The following ME1 variants were observed in gnomAD, a reference collection of about 807,000 sequenced individuals.
The protein encoded by ME1 is malic enzyme 1.
ME1 carries 74 observed loss-of-function variants against 66.4 expected under a neutral mutation model. The ratio of observed to expected loss-of-function variants is 1.11; its 90% CI spans 0.92 to 1.35. The LOEUF (loss-of-function observed/expected upper bound fraction) is 1.35, where lower values mean the gene tolerates loss of function less well. Among genes scored for constraint, ME1 ranks in the 40% most tolerant of loss-of-function variants. ME1 has a pLI of 0.00. For synonymous variants in ME1, 251 were observed against 235.6 expected, an observed-to-expected ratio of 1.07 and a Z score of -0.60; for missense variants, 750 against 694.1, an observed-to-expected ratio of 1.08 and a Z score of -0.90.
At chr6:83,381,355 A>T (rs1050208529) in intron 3 of ME1, among the ~76,000 whole-genome samples, 3 of 152,096 alleles carry the variant, frequency 2.0e-5, no homozygotes, top group African/African-American at 4.8e-5. Flanking sequence ...GACTTGGGCT[A>T]TAAATAAAAT....
intron 3 of ME1, among the ~76,000 whole-genome samples, chr6:83,383,137 T>C (rs1236181225): frequency 6.6e-6 from 1 of 151,664 alleles, no homozygotes; most frequent in Non-Finnish European, 1.5e-5. Context: ...TACACACATA[T>C]ACATACATAC....
intron 7 of ME1, among the ~76,000 whole-genome samples, chr6:83,249,517 G>A (rs1790685571): frequency 6.6e-6 from 1 of 152,074 alleles, no homozygotes; most frequent in Admixed American, 6.6e-5. Context: ...GAGCCACTGT[G>A]CCTGGCCTAA....
chr6:83,316,284 T>A (rs1768027938), intron 5 of ME1, among the ~76,000 whole-genome samples: 1 of 152,212 alleles, frequency 6.6e-6, no homozygotes, highest in Non-Finnish European at 1.5e-5. Context: ...CTGAGAATGT[T>A]GCCCTGTGTA....
intron 1 of ME1, among the ~76,000 whole-genome samples, chr6:83,416,972 G>A (rs1172543086): frequency 2.0e-5 from 3 of 151,218 alleles, no homozygotes; most frequent in Admixed American, 6.6e-5. Context: ...TGTTACATCT[G>A]TGGCATGTAT....
intron 3 of ME1, chr6:83,392,709 C>T (rs1025657051): frequency 3.2e-6 from 2 of 620,086 alleles, no homozygotes; most frequent in African/African-American, 3.6e-5. Context: ...TCATGGAGTT[C>T]ACCAGCATCT....
intron 3 of ME1, among the ~76,000 whole-genome samples, chr6:83,362,156 T>C (rs1426500962): frequency 6.6e-6 from 1 of 152,208 alleles, no homozygotes; most frequent in Non-Finnish European, 1.5e-5. Context: ...GCAGTGCAAC[T>C]GGTTGTGCAC....
At chr6:83,324,772 C>G (rs1279533001) in intron 5 of ME1, among the ~76,000 whole-genome samples, 1 of 140,216 alleles carries the variant, frequency 7.1e-6, no homozygotes, top group African/African-American at 2.6e-5. Context: ...CAGCCGTATT[C>G]TAACAGAGGT....
At chr6:83,249,581 T>A (rs1367087694) in intron 7 of ME1, among the ~76,000 whole-genome samples, 3 of 152,200 alleles carry the variant, frequency 2.0e-5, no homozygotes, top group Admixed American at 6.5e-5. Flanking sequence ...TACAAATAAT[T>A]ATTTTGTCCT....
intron 4 of ME1, among the ~76,000 whole-genome samples, chr6:83,349,472 A>C (rs1275086837): frequency 6.6e-6 from 1 of 152,224 alleles, no homozygotes; most frequent in Non-Finnish European, 1.5e-5. Flanking sequence ...TCACCCCACT[A>C]TACAAATTAT....
At chr6:83,370,423 T>C (rs536823672) in intron 3 of ME1, among the ~76,000 whole-genome samples, 1 of 152,246 alleles carries the variant, frequency 6.6e-6, no homozygotes, top group African/African-American at 2.4e-5. Flanking sequence ...ATGGGACAGA[T>C]GACAATTGTT....
intron 3 of ME1, among the ~76,000 whole-genome samples, chr6:83,385,901 A>G (rs2128549151): frequency 6.6e-6 from 1 of 152,036 alleles, no homozygotes; most frequent in South Asian, 2.1e-4. Flanking sequence ...AATTTAAGAA[A>G]TCATCATCTA....
At chr6:83,361,561 G>A (rs545128483) in intron 3 of ME1, among the ~76,000 whole-genome samples, 2 of 152,248 alleles carry the variant, frequency 1.3e-5, no homozygotes, top group South Asian at 4.1e-4. Context: ...GTGGCAGATA[G>A]GGATGCTGTT....
chr6:83,359,639 T>C (rs892984502), intron 3 of ME1, among the ~76,000 whole-genome samples: 3 of 152,106 alleles, frequency 2.0e-5, no homozygotes, highest in Non-Finnish European at 4.4e-5. Flanking sequence ...TGGTTTAATG[T>C]AGAGGAAGGG....
chr6:83,396,976 A>T (rs977929578), intron 3 of ME1, among the ~76,000 whole-genome samples: 5 of 149,572 alleles, frequency 3.3e-5, no homozygotes, highest in South Asian at 2.1e-4. Context: ...ACACCATATT[A>T]AAAAAAATCA....
intron 6 of ME1, among the ~76,000 whole-genome samples, chr6:83,310,798 G>GC (rs1291081730): frequency 6.6e-6 from 1 of 152,122 alleles, no homozygotes; most frequent in Non-Finnish European, 1.5e-5. Context: ...AAAGCCAGAG[G>GC]CCCTCCTTTG....
At chr6:83,291,602 G>A (rs1454888063) in intron 6 of ME1, among the ~76,000 whole-genome samples, 2 of 151,816 alleles carry the variant, frequency 1.3e-5, no homozygotes, top group East Asian at 3.9e-4. Flanking sequence ...TGTGTCTCGG[G>A]TTGCTCTTCT....
intron 6 of ME1, among the ~76,000 whole-genome samples, chr6:83,289,722 T>C (rs1767465722): frequency 2.0e-5 from 3 of 152,334 alleles, no homozygotes; most frequent in Admixed American, 2.0e-4. Context: ...AGCTCCTCTT[T>C]GTACCTCTGG....
intron 3 of ME1, among the ~76,000 whole-genome samples, chr6:83,377,654 G>A (rs959328076): frequency 6.6e-6 from 1 of 151,824 alleles, no homozygotes; most frequent in Non-Finnish European, 1.5e-5. Context: ...AAAGGGAGAG[G>A]TACTAGGTTG....
chr6:83,349,015 A>AAAAAAAAAAAAC lies in ME1; in HGVS notation c.439-2682_439-2681insGTTTTTTTTTTT, dbSNP rs746037012. Among the ~76,000 whole-genome samples, 46 of 124,066 alleles carry AAAAAAAAAAAAC rather than the reference A, an allele frequency of 3.7e-4. 8 individuals carry two copies. The highest frequency in any genetic ancestry group is 1.3e-3 in the African/African-American group (42 of 32,274). 81.4% of individuals were successfully genotyped at this position (124,066 alleles called of 152,430 possible). A position where few individuals can be genotyped will look rare whatever the true frequency, so the allele number is the denominator to read the frequency against. On this transcript the variant is annotated intron_variant, in intron 4 of 13. Coordinates refer to ENST00000369705, the MANE Select transcript of ME1 (RefSeq NM_002395.6). ...AAAAAAAAAAAACAAAAAACAAAAA[A>AAAAAAAAAAAAC]CAGTGCATTCTTTCTTATTTCTTCA...
Sources: allele counts gnomAD v4.1 joint callset (sites outside exome capture counted in the v4.1 genomes callset), GRCh38; gene constraint gnomAD v4.1.1; transcripts MANE v1.5; gene names NCBI Gene and HGNC (gene_info 2026-07-23, HGNC 2026-07-21).